Variants in HMCN1 observed in about 807,000 individuals in gnomAD.
HMCN1 encodes hemicentin 1.
In HMCN1, 321 loss-of-function variants were observed where a neutral mutation model predicts 625.9. That is an observed-to-expected ratio of 0.51 (90% CI 0.47 to 0.56). The LOEUF (loss-of-function observed/expected upper bound fraction) is 0.56, where lower values mean the gene tolerates loss of function less well. Ranked by LOEUF, HMCN1 falls within the 20% of genes least tolerant of loss-of-function variation. The pLI is 0.00. For synonymous variants in HMCN1, 2,425 were observed against 2,417.6 expected (o/e 1.00, Z -0.09); for missense variants, 6,588 against 6,887.3 (o/e 0.96, Z 1.54).
chr1:186,163,154 T>G (rs1651629322), intron 97 of HMCN1, among the ~76,000 whole-genome samples: 1 of 152,134 alleles, frequency 6.6e-6, no homozygotes, highest in South Asian at 2.1e-4. Context: ...TGCAGTTTGA[T>G]CTCAGACTGC....
intron 14 of HMCN1, 72 bp from the exon 15 acceptor site, chr1:185,970,263 A>T: frequency 7.1e-7 from 1 of 1,418,272 alleles, no homozygotes; most frequent in Non-Finnish European, 1.0e-6. Flanking sequence ...GAAGTTTTGA[A>T]ATTAAACCAA....
At chr1:185,837,021 TG>T (rs1480882843) in intron 1 of HMCN1, among the ~76,000 whole-genome samples, 1 of 150,338 alleles carries the variant, frequency 6.7e-6, no homozygotes, top group Non-Finnish European at 1.5e-5. Flanking sequence ...TGTGTGTGTG[TG>T]TGTGTGTGTA....
At chr1:185,939,780 TAA>T (rs1274912800) in intron 11 of HMCN1, among the ~76,000 whole-genome samples, 2 of 151,704 alleles carry the variant, frequency 1.3e-5, no homozygotes, top group Non-Finnish European at 2.9e-5. Flanking sequence ...ATTGAAAAAA[TAA>T]AAGACAGTTT....
At chr1:185,880,041 G>T (rs1355352819) in intron 4 of HMCN1, among the ~76,000 whole-genome samples, 1 of 152,198 alleles carries the variant, frequency 6.6e-6, no homozygotes, top group Non-Finnish European at 1.5e-5. Context: ...GAATGAAAAG[G>T]CTGCCCTGGG....
At chr1:185,932,431 T>A (rs1299923016) in intron 10 of HMCN1, among the ~76,000 whole-genome samples, 2 of 152,190 alleles carry the variant, frequency 1.3e-5, no homozygotes, top group Non-Finnish European at 2.9e-5. Context: ...TCTTGAATAT[T>A]TGACACACTT....
chr1:186,063,898 C>CT (rs1571804923), intron 48 of HMCN1, among the ~76,000 whole-genome samples: 1 of 152,082 alleles, frequency 6.6e-6, no homozygotes, highest in Admixed American at 6.6e-5. Flanking sequence ...TCAAGGCTGT[C>CT]TTTTTATTGT....
chr1:185,990,768 G>A (rs80229086), intron 22 of HMCN1, among the ~76,000 whole-genome samples: 2,015 of 152,178 alleles, frequency 0.013, 53 homozygotes, highest in African/African-American at 0.045. Flanking sequence ...AATCCCATAA[G>A]AGCAATAAAA....
At chr1:186,082,655 T>A (rs1336214048) in intron 56 of HMCN1, among the ~76,000 whole-genome samples, 2 of 152,104 alleles carry the variant, frequency 1.3e-5, no homozygotes, top group Non-Finnish European at 1.5e-5. Flanking sequence ...ACCACAAATA[T>A]GTATAGAATT....
intron 1 of HMCN1, among the ~76,000 whole-genome samples, chr1:185,840,621 ATCTGTACTACTTGGC>A (rs754026963): frequency 2.1e-4 from 32 of 152,260 alleles, no homozygotes; most frequent in South Asian, 1.0e-3. Context: ...GTCTTCATGT[ATCTGTACTACTTGGC>A]TCTTCTCAGA....
chr1:186,025,087 A>G (rs1558153441), intron 36 of HMCN1, among the ~76,000 whole-genome samples: 1 of 152,232 alleles, frequency 6.6e-6, no homozygotes, highest in Admixed American at 6.5e-5. Context: ...GTGACAGATC[A>G]TCAGGCATTA....
At chr1:186,164,972 C>A (rs964395721) in intron 97 of HMCN1, 139 bp from the exon 98 acceptor site, 2 of 760,130 alleles carry the variant, frequency 2.6e-6, no homozygotes, top group African/African-American at 3.5e-5. Context: ...GTTTTCCATG[C>A]CTGCTTATTT....
At chr1:185,750,302 C>T (rs1191672697) in intron 1 of HMCN1, among the ~76,000 whole-genome samples, 4 of 152,118 alleles carry the variant, frequency 2.6e-5, no homozygotes, top group Non-Finnish European at 5.9e-5. Context: ...AAGTTTTAAT[C>T]ATTTTGTGTA....
rs1466356989 is a variant in HMCN1, at chr1:185,952,832, G to A, written c.1829-9686G>A. ...AGAGTAGAGACACGGAGAAGGGGTA[G>A]GGGTTTCTTGCCCTCCAGAAAAGCA... is the stretch of plus-strand genomic sequence containing the variant. On this transcript the variant is annotated intron_variant, in intron 11 of 106. Coordinates refer to ENST00000271588, the MANE Select transcript of HMCN1 (RefSeq NM_031935.3). Among the ~76,000 whole-genome samples the A allele has an allele frequency of 4.0e-5, 6 of 151,576 alleles. 1 individual carries two copies. The highest frequency in any genetic ancestry group is 1.5e-4 in the African/African-American group (6 of 40,996).
At chr1:185,845,467 C>T (rs1213876253) in intron 1 of HMCN1, among the ~76,000 whole-genome samples, 3 of 152,104 alleles carry the variant, frequency 2.0e-5, no homozygotes, top group African/African-American at 4.8e-5. Flanking sequence ...ATGATCTGCC[C>T]GCCTTGGACT....
rs191673161 is a variant in HMCN1, at chr1:185,996,328, A to T, written c.3779-1101A>T. On this transcript the variant is annotated intron_variant, in intron 24 of 106. Transcript: ENST00000271588. Reference sequence around the variant, plus strand: ...GGAGAAGGACATAGAATATGAAGAGAAGAGCATGTAATATTTTGGAGACAC... The same window carrying T: ...GGAGAAGGACATAGAATATGAAGAGTAGAGCATGTAATATTTTGGAGACAC... 3.5e-4 allele frequency among the ~76,000 whole-genome samples: 54 copies of T among 152,200 alleles called. No homozygotes were observed. In the South Asian group the frequency reaches 5.4e-3, roughly 15 times the overall value.
intron 4 of HMCN1, among the ~76,000 whole-genome samples, chr1:185,891,275 T>C (rs1665061064): frequency 7.1e-6 from 1 of 140,272 alleles, no homozygotes; most frequent in Admixed American, 6.9e-5. Context: ...AATTTGCCAG[T>C]CTGTGTCTTT....
Position 186,001,309 on chromosome 1 carries a change from A to G in HMCN1, c.4081A>G (p.Ile1361Val). 6.2e-7 allele frequency: 1 copy of G among 1,611,468 alleles called. No homozygotes were observed. Among genetic ancestry groups the G allele is most frequent in the Non-Finnish European group, 8.5e-7 (1 of 1,178,164 alleles). The change falls in exon 27 of 107, where the codon ATT (isoleucine) becomes GTT (valine). Residue 1361 changes from isoleucine (I) to valine (V), a missense_variant. Physicochemically the swap from Ile to Val is conservative, Grantham distance 29 (BLOSUM62 3). This residue lies in a region of HMCN1 where 4,628 missense variants were observed against 4,853.1 expected (regional missense o/e 0.95). Transcript: ENST00000271588. Reference protein sequence around the residue: ...YNLKVHVPPVIKDKEQVTNVS... With the variant: ...YNLKVHVPPVVKDKEQVTNVS... ...CTCTCTTTTTGCAGTTCCTCCAGTA[A>G]TTAAAGATAAAGAACAAGTTACAAA...
rs182297346 is a variant in HMCN1 at position 185,941,541 on chromosome 1, G to C, written c.1828+7717G>C. On this transcript the variant is annotated intron_variant, in intron 11 of 106. Coordinates refer to ENST00000271588, the MANE Select transcript of HMCN1 (RefSeq NM_031935.3). ...TAAATTCTTTCTGAACCAAAATGAG[G>C]TCTATGAAAAGGAATAAATGCAAAA... is the stretch of plus-strand genomic sequence containing the variant. Among the ~76,000 whole-genome samples, 4 of 152,244 alleles carry C rather than the reference G, an allele frequency of 2.6e-5. No individual in the cohort carries two copies. The South Asian group carries it at 8.3e-4, about 32-fold the overall frequency.
intron 72 of HMCN1, 63 bp from the exon 73 acceptor site, chr1:186,113,916 G>GCTGTATTATTTA: frequency 6.5e-7 from 1 of 1,549,912 alleles, no homozygotes; most frequent in South Asian, 1.1e-5. Flanking sequence ...ACATCTTCAG[G>GCTGTATTATTTA]GTCTTCATGC....
Sources: gnomAD v4.1 joint callset for allele counts (sites outside exome capture counted in the v4.1 genomes callset) on GRCh38, gnomAD v4.1.1 for gene constraint, gnomAD v4.1.1 regional missense constraint, MANE v1.5 for transcripts, NCBI Gene and HGNC (gene_info 2026-07-23, HGNC 2026-07-21) for gene names.